The following RARB variants were observed in gnomAD, a reference collection of about 807,000 sequenced individuals.
RARB encodes retinoic acid receptor beta, also known as HBV-activated protein.
A neutral mutation model predicts 51.9 loss-of-function variants in RARB; 17 were observed. The observed-to-expected ratio is 0.33, with a 90% CI of 0.22 to 0.49. The LOEUF is 0.49. RARB is among the 20% of genes least tolerant of loss of function. The probability of loss-of-function intolerance (pLI) is 0.99; values close to 1 mark genes in which losing one functional copy is unlikely to be tolerated. For missense variants in RARB, 369 were observed against 550.8 expected (o/e 0.67, Z 3.30); for synonymous variants, 215 against 195.4 (o/e 1.10, Z -0.84).
At chr3:25,173,468 G>C (rs1183723256) in intron 4 of RARB, among the ~76,000 whole-genome samples, 2 of 152,054 alleles carry the variant, frequency 1.3e-5, no homozygotes, top group Admixed American at 6.6e-5. Flanking sequence ...GAAAGATGTT[G>C]ATAATAAAGA....
At chr3:24,949,912 TGA>T (rs1695853210) in intron 2 of RARB, among the ~76,000 whole-genome samples, 2 of 152,238 alleles carry the variant, frequency 1.3e-5, no homozygotes, top group African/African-American at 4.8e-5. Context: ...GTAAGGAAAC[TGA>T]CACCGGATTC....
chr3:25,115,620 TTTTCTTTTTTTTCCTTTCTTTTTC>T (rs1399575668), intron 3 of RARB, among the ~76,000 whole-genome samples: 1 of 151,600 alleles, frequency 6.6e-6, no homozygotes, highest in African/African-American at 2.4e-5. Flanking sequence ...TTCTCTTCCT[TTTTCTTTTTTTTCCTTTCTTTTTC>T]TTTCTTTCTT....
intron 3 of RARB, among the ~76,000 whole-genome samples, chr3:25,087,012 A>G (rs1467943063): frequency 2.0e-5 from 3 of 152,194 alleles, no homozygotes; most frequent in African/African-American, 7.2e-5. Flanking sequence ...TTTTCCCAAC[A>G]AGAGACAGCT....
At chr3:25,431,775 T>A (rs1420691155) in intron 1 of RARB, among the ~76,000 whole-genome samples, 1 of 152,102 alleles carries the variant, frequency 6.6e-6, no homozygotes, top group African/African-American at 2.4e-5. Flanking sequence ...ACTTTGCCCA[T>A]TAATGAGAAG....
At chr3:25,153,095 C>T (rs1025089587) in intron 4 of RARB, among the ~76,000 whole-genome samples, 5 of 151,980 alleles carry the variant, frequency 3.3e-5, no homozygotes, top group African/African-American at 9.7e-5. Context: ...CATTGCTTGT[C>T]CAACATTCAT....
intron 5 of RARB, among the ~76,000 whole-genome samples, chr3:25,206,668 A>T (rs1007262177): frequency 1.3e-5 from 2 of 152,230 alleles, no homozygotes; most frequent in Non-Finnish European, 2.9e-5. Context: ...GAAATACAGT[A>T]GCTCAATGAA....
At chr3:25,071,055 C>T (rs1454776783) in intron 3 of RARB, among the ~76,000 whole-genome samples, 2 of 152,134 alleles carry the variant, frequency 1.3e-5, no homozygotes, top group African/African-American at 4.8e-5. Context: ...GAAACAAGTG[C>T]AAAATGGAGA....
At chr3:25,423,645 A>T (rs922938), upstream of RARB, among the ~76,000 whole-genome samples, 139,037 of 152,306 alleles carry the variant, frequency 0.91, 63,475 homozygotes, top group East Asian at 1. Flanking sequence ...TCTTTTGGAC[A>T]AGACTTTGAA....
At chr3:25,172,248 T>G (rs1354939720) in intron 4 of RARB, among the ~76,000 whole-genome samples, 1 of 152,106 alleles carries the variant, frequency 6.6e-6, no homozygotes, top group East Asian at 1.9e-4. Flanking sequence ...TTTTCCTCTG[T>G]AGAGTACAAC....
At chr3:25,323,363 C>A (rs1301121573) in intron 5 of RARB, among the ~76,000 whole-genome samples, 1 of 152,178 alleles carries the variant, frequency 6.6e-6, no homozygotes, top group Admixed American at 6.5e-5. Context: ...TAAAGAACAG[C>A]CTACCACAAT....
At chr3:24,913,254 G>C (rs1254342083) in intron 2 of RARB, among the ~76,000 whole-genome samples, 5 of 151,874 alleles carry the variant, frequency 3.3e-5, no homozygotes, top group Non-Finnish European at 7.4e-5. Context: ...AAAGTGCTGG[G>C]ATTACAGGTG....
intron 2 of RARB, among the ~76,000 whole-genome samples, chr3:24,902,643 A>G (rs1292538186): frequency 6.6e-6 from 1 of 152,116 alleles, no homozygotes; most frequent in Non-Finnish European, 1.5e-5. Flanking sequence ...TGACATGTCA[A>G]AGAATGCTCT....
In RARB at chr3:25,419,935, TTTTG is replaced by T. The variant is rs1461319784; in HGVS notation, c.179-41257_179-41254del. Among the ~76,000 whole-genome samples, 803 of 152,170 alleles carry T rather than the reference TTTTG, an allele frequency of 5.3e-3. 8 individuals carry two copies. The highest frequency in any genetic ancestry group is 0.018 in the African/African-American group (763 of 41,460). ...ACAATAACAAAATGCAAAAAACTAATTTTGGAAGCCACCATGATATCTTCTCTAA... is the reference window on the plus strand; with the variant it reads ...ACAATAACAAAATGCAAAAAACTAATGAAGCCACCATGATATCTTCTCTAA... On this transcript the variant is annotated intron_variant, in intron 5 of 11. Coordinates refer to the RARB transcript ENST00000383772.
intron 2 of RARB, among the ~76,000 whole-genome samples, chr3:24,993,965 T>A (rs770203204): frequency 3.7e-4 from 57 of 152,142 alleles, no homozygotes; most frequent in Non-Finnish European, 6.9e-4. Flanking sequence ...GCAGTAAACA[T>A]GGGATTGCAG....
At chr3:25,373,282 G>A (rs1706358978) in intron 5 of RARB, among the ~76,000 whole-genome samples, 1 of 152,118 alleles carries the variant, frequency 6.6e-6, no homozygotes, top group Admixed American at 6.6e-5. Context: ...AAGAAAGACA[G>A]TACTAATAGA....
chr3:25,378,477 TCAA>T (rs932441681), intron 5 of RARB, among the ~76,000 whole-genome samples: 2 of 152,286 alleles, frequency 1.3e-5, no homozygotes, highest in African/African-American at 2.4e-5. Context: ...ACATTTGCTT[TCAA>T]CAACAACAAA....
intron 4 of RARB, among the ~76,000 whole-genome samples, chr3:25,160,812 C>A (rs2125346362): frequency 6.6e-6 from 1 of 152,136 alleles, no homozygotes; most frequent in East Asian, 1.9e-4. Flanking sequence ...GTTTCCTTGC[C>A]CTTTTCAGCT....
chr3:25,369,741 G>A (rs1176670102), intron 5 of RARB, among the ~76,000 whole-genome samples: 5 of 152,172 alleles, frequency 3.3e-5, no homozygotes, highest in Admixed American at 3.3e-4. Flanking sequence ...TGACCAACGT[G>A]GAGAAACCCA....
intron 5 of RARB, among the ~76,000 whole-genome samples, chr3:25,257,664 C>G (rs1476452142): frequency 6.6e-6 from 1 of 152,064 alleles, no homozygotes; most frequent in Admixed American, 6.6e-5. Context: ...TGCGGTCTAC[C>G]TGATGCCTCC....
Sources: gnomAD v4.1 joint callset for allele counts (sites outside exome capture counted in the v4.1 genomes callset) on GRCh38, gnomAD v4.1.1 for gene constraint, MANE v1.5 for transcripts, NCBI Gene and HGNC (gene_info 2026-07-23, HGNC 2026-07-21) for gene names.